SLC16A5: variants seen among roughly 807,000 people sequenced by gnomAD.
SLC16A5 encodes solute carrier family 16 member 5.
Under a neutral mutation model 33.2 loss-of-function variants are expected in SLC16A5, and 29 were observed. The observed-to-expected ratio is 0.87, with a 90% CI of 0.65 to 1.19. SLC16A5 has a LOEUF of 1.19. Ranked by LOEUF, SLC16A5 falls within the 50% of genes most tolerant of loss-of-function variation. The probability of loss-of-function intolerance (pLI) is 0.00; values close to 1 mark genes in which losing one functional copy is unlikely to be tolerated. For missense variants in SLC16A5, 606 were observed against 678.2 expected, an observed-to-expected ratio of 0.89 and a Z score of 1.18; for synonymous variants, 248 against 284.1, an observed-to-expected ratio of 0.87 and a Z score of 1.28.
chr17:75,099,103 G>A (rs985914316), intron 4 of SLC16A5, among the ~76,000 whole-genome samples: 19 of 152,188 alleles, frequency 1.2e-4, no homozygotes, highest in Non-Finnish European at 2.4e-4. Flanking sequence ...GGTGGGGAGC[G>A]GGGAAGGCCC....
intron 6 of SLC16A5, chr17:75,105,493 G>C: frequency 1.0e-6 from 1 of 985,390 alleles, no homozygotes; most frequent in Non-Finnish European, 1.2e-6. Flanking sequence ...CCTGGGGTAA[G>C]TGGCTGGCTG....
chr17:75,094,456 G>A (rs2073688470), intron 3 of SLC16A5, among the ~76,000 whole-genome samples: 1 of 152,236 alleles, frequency 6.6e-6, no homozygotes, highest in Non-Finnish European at 1.5e-5. Flanking sequence ...GGAGGCCGAG[G>A]CGGTCAGATC....
rs570558916 is a variant in SLC16A5, at chr17:75,098,179, C to T, written c.341C>T (p.Thr114Ile). ...SQLYFTAGFI[T>I]GLGMCFSFQS... ...CTCTACTTCACAGCAGGATTCATCACAGGTGACTATCACTTCATCTCCAGA... is the reference window on the plus strand; with the variant it reads ...CTCTACTTCACAGCAGGATTCATCATAGGTGACTATCACTTCATCTCCAGA... The change falls in exon 4 of 7, where the codon ACA (threonine) becomes ATA (isoleucine). Residue 114 changes from threonine (T) to isoleucine (I), a missense_variant and splice_region_variant. Physicochemically the swap from Thr to Ile is moderately conservative, Grantham distance 89. Transcript: ENST00000329783. 1.2e-6 allele frequency: 2 copies of T among 1,613,200 alleles called. No homozygotes were observed. The highest frequency in any genetic ancestry group is 4.5e-5 in the East Asian group (2 of 44,766).
intron 3 of SLC16A5, 94 bp from the exon 4 acceptor site, chr17:75,097,944 C>G: frequency 7.0e-7 from 1 of 1,423,270 alleles, no homozygotes; most frequent in African/African-American, 1.5e-5. Flanking sequence ...AACCACCTGG[C>G]TAGTTCCAGC....
At chr17:75,103,852 G>T in intron 5 of SLC16A5, 118 bp from the exon 6 acceptor site, 1 of 844,356 alleles carries the variant, frequency 1.2e-6, no homozygotes, top group Non-Finnish European at 1.9e-6. Flanking sequence ...TCTACTGGGT[G>T]TCAGCCACAA....
At chr17:75,096,102 A>T (rs1451129331) in intron 3 of SLC16A5, among the ~76,000 whole-genome samples, 1 of 151,696 alleles carries the variant, frequency 6.6e-6, no homozygotes, top group African/African-American at 2.4e-5. Flanking sequence ...ACGGCACCTG[A>T]CCACAGTATT....
At position 75,092,028 on chromosome 17, in the gene SLC16A5, G is replaced by GTGTGTGTGTGTGTGTGT. The variant is rs1555644931; in HGVS notation, c.-48-1561_-48-1560insTGTGTGTGTGTGTGTGT. Among the ~76,000 whole-genome samples the GTGTGTGTGTGTGTGTGT allele has an allele frequency of 3.0e-3, 451 of 149,698 alleles. 2 individuals are homozygous for GTGTGTGTGTGTGTGTGT. The highest frequency in any genetic ancestry group is 4.2e-3 in the South Asian group (20 of 4,738). Reference sequence around the variant, plus strand: ...CTTGCTAAGCCAAAGATGTGAGGGGGGTGTGTGTGTGTGTGTGTGTGTGCA... The same window carrying GTGTGTGTGTGTGTGTGT: ...CTTGCTAAGCCAAAGATGTGAGGGGGTGTGTGTGTGTGTGTGTGTGTGTGTGTGTGTGTGTGTGTGCA... On this transcript the variant is annotated intron_variant, in intron 2 of 6. Transcript: ENST00000329783.
At position 75,089,648 on chromosome 17, in the gene SLC16A5, G is replaced by A. The variant is rs868750712; in HGVS notation, c.-49+344G>A. 9.0e-4 allele frequency among the ~76,000 whole-genome samples: 137 copies of A among 151,824 alleles called. 1 individual carries two copies. Among genetic ancestry groups the A allele is most frequent in the African/African-American group, 3.3e-3 (135 of 41,368 alleles). ...GTGTGCCTGTAATCCCAGCTACTTCGGAGGCTGAGGCAGGAGAATTGCTTG... is the reference window on the plus strand; with the variant it reads ...GTGTGCCTGTAATCCCAGCTACTTCAGAGGCTGAGGCAGGAGAATTGCTTG... On this transcript the variant is annotated intron_variant, in intron 2 of 6. Coordinates refer to ENST00000329783, the MANE Select transcript of SLC16A5 (RefSeq NM_004695.4).
At chr17:75,092,028 G>GGTGT (rs535726400) in intron 2 of SLC16A5, among the ~76,000 whole-genome samples, 40,009 of 149,562 alleles carry the variant, frequency 0.27, 6,132 homozygotes, top group South Asian at 0.38. Flanking sequence ...ATGTGAGGGG[G>GGTGT]GTGTGTGTGT....
At chr17:75,099,250 T>G (rs8078881) in intron 4 of SLC16A5, among the ~76,000 whole-genome samples, 6,190 of 152,198 alleles carry the variant, frequency 0.041, 173 homozygotes, top group African/African-American at 0.085. Context: ...AGTTCCTGTG[T>G]CTTGATCCTA....
At position 75,100,030 on chromosome 17, in the gene SLC16A5, CAGTCA is replaced by C; in HGVS notation, c.370_374del (p.Ser124HisfsTer74). On this transcript the variant is annotated frameshift_variant, in exon 5 of 7. Coordinates refer to ENST00000329783, the MANE Select transcript of SLC16A5 (RefSeq NM_004695.4). LOFTEE classifies it high-confidence loss of function. The stretch of plus-strand genomic sequence containing the variant: ...AGGCCTGGGCATGTGCTTCAGCTTC[CAGTCA>C]AGCATCACGGTGCTGGGCTTCTACT... 6.2e-7 allele frequency: 1 copy of C among 1,611,926 alleles called. No homozygotes were observed. Among genetic ancestry groups the C allele is most frequent in the Non-Finnish European group, 8.5e-7 (1 of 1,179,720 alleles).
Position 75,088,229 on chromosome 17 carries a change from T to TG in SLC16A5, c.-203+186dup, listed in dbSNP as rs534192116. Among the ~76,000 whole-genome samples, 37 of 152,250 alleles carry TG rather than the reference T, an allele frequency of 2.4e-4. 1 individual carries two copies. The South Asian group carries it at 7.2e-3, about 30-fold the overall frequency. On this transcript the variant is annotated intron_variant, in intron 1 of 6. Coordinates refer to ENST00000329783, the MANE Select transcript of SLC16A5 (RefSeq NM_004695.4). ...TGGGCTGCCCCGGGGCCTGGGGTGATGACCCGCAAGCCCAAGGGCGCTCGG... is the reference window on the plus strand; with the variant it reads ...TGGGCTGCCCCGGGGCCTGGGGTGATGGACCCGCAAGCCCAAGGGCGCTCGG...
chr17:75,095,805 G>A (rs1414107773), intron 3 of SLC16A5, among the ~76,000 whole-genome samples: 3 of 149,656 alleles, frequency 2.0e-5, no homozygotes, highest in African/African-American at 2.6e-5. Flanking sequence ...GACTACAGGT[G>A]CGCACCACCA....
At position 75,098,158 on chromosome 17, in the gene SLC16A5, A is replaced by T. The variant is rs771537934; in HGVS notation, c.320A>T (p.Tyr107Phe). ...SSFSHNLSQLYFTAGFITGLG... is the reference protein window; with the variant it reads ...SSFSHNLSQLFFTAGFITGLG... ...TTCTCTCACAACCTCAGCCAGCTCT[A>T]CTTCACAGCAGGATTCATCACAGGT... Residue 107 changes from tyrosine to phenylalanine, a missense_variant, in exon 4 of 7, where the codon TAC becomes TTC. Tyr to Phe is a conservative substitution (Grantham distance 22, BLOSUM62 3). Coordinates refer to ENST00000329783, the MANE Select transcript of SLC16A5 (RefSeq NM_004695.4). 8 of 1,612,668 alleles carry T rather than the reference A, an allele frequency of 5.0e-6. No homozygotes were observed. Among genetic ancestry groups the T allele is most frequent in the Non-Finnish European group, 6.8e-6 (8 of 1,179,442 alleles).
At position 75,104,000 on chromosome 17, in the gene SLC16A5, G is replaced by T. The variant is rs769367787; in HGVS notation, c.1184G>T (p.Ser395Ile). The change falls in exon 6 of 7, where the codon AGC becomes ATC. Residue 395 changes from serine to isoleucine, a missense_variant. Coordinates refer to ENST00000329783, the MANE Select transcript of SLC16A5 (RefSeq NM_004695.4). ...CTCCTGGACGCCACCAACAACTTTA[G>T]CTATGTTTTCTACATGTCCAGCTTC... ...GLLLDATNNF[S>I]YVFYMSSFFL... 2.5e-6 allele frequency: 4 copies of T among 1,614,068 alleles called. No homozygotes were observed. In the Admixed American group the frequency reaches 6.7e-5, roughly 27 times the overall value.
downstream of SLC16A5, among the ~76,000 whole-genome samples, chr17:75,109,303 T>C (rs954077735): frequency 2.0e-5 from 3 of 152,126 alleles, no homozygotes; most frequent in African/African-American, 7.2e-5. This position sits in a 1 kb window ranked among gnomAD's most constrained non-coding sequence, Gnocchi z 5.0. Context: ...TACCCTTTGA[T>C]TTCTGTCCAG....
In SLC16A5 at chr17:75,100,364, A is replaced by C. The variant is rs753414625; in HGVS notation, c.701A>C (p.His234Pro). 2 of 1,614,162 alleles carry C rather than the reference A, an allele frequency of 1.2e-6. No homozygotes were observed. The highest frequency in any genetic ancestry group is 1.7e-6 in the Non-Finnish European group (2 of 1,180,042). Residue 234 changes from histidine (H) to proline (P), a missense_variant, in exon 5 of 7, where the codon CAC becomes CCC. By Grantham distance (77) the His-to-Pro change is moderately conservative. Coordinates refer to ENST00000329783, the MANE Select transcript of SLC16A5 (RefSeq NM_004695.4). ...CACCTGGCCTTCGACATCCTGCGGC[A>C]CAACACAGGCTACTGCGTGTACATA... is the stretch of plus-strand genomic sequence containing the variant. Reference protein sequence around the residue: ...QRHLAFDILRHNTGYCVYILG... With the variant: ...QRHLAFDILRPNTGYCVYILG...
In SLC16A5 at chr17:75,098,121, G is replaced by A; in HGVS notation, c.283G>A (p.Val95Met). The A allele has an allele frequency of 1.2e-6, 2 of 1,611,456 alleles. No homozygotes were observed. Among genetic ancestry groups the A allele is most frequent in the Non-Finnish European group, 1.7e-6 (2 of 1,178,940 alleles). Residue 95 changes from valine to methionine, a missense_variant, in exon 4 of 7, where the codon GTG becomes ATG. Coordinates refer to ENST00000329783, the MANE Select transcript of SLC16A5 (RefSeq NM_004695.4). ...LGGVLASLGMVASSFSHNLSQ... is the reference protein window; with the variant it reads ...LGGVLASLGMMASSFSHNLSQ... Reference sequence around the variant, plus strand: ...GGGCGTGCTGGCCAGCCTGGGCATGGTGGCCAGCTCCTTCTCTCACAACCT... The same window carrying A: ...GGGCGTGCTGGCCAGCCTGGGCATGATGGCCAGCTCCTTCTCTCACAACCT...
At chr17:75,093,862 A>G (rs1172827359) in intron 3 of SLC16A5, 27 bp downstream of exon 3, 2 of 1,606,020 alleles carry the variant, frequency 1.2e-6, no homozygotes, top group Non-Finnish European at 8.5e-7. Context: ...GGGGCCGATG[A>G]GAAAGTCCTA....
Sources: gnomAD v4.1 joint callset for allele counts (sites outside exome capture counted in the v4.1 genomes callset) on GRCh38, gnomAD v4.1.1 for gene constraint, Gnocchi (gnomAD v3.1) non-coding constraint, MANE v1.5 for transcripts, NCBI Gene and HGNC (gene_info 2026-07-23, HGNC 2026-07-21) for gene names.